The following MATN2 variants were observed in gnomAD, a reference collection of about 807,000 sequenced individuals.
MATN2 encodes the protein matrilin-2.
MATN2 carries 69 observed loss-of-function variants against 103.2 expected under a neutral mutation model. The ratio of observed to expected loss-of-function variants is 0.67; its 90% CI spans 0.55 to 0.82. The LOEUF (loss-of-function observed/expected upper bound fraction) is 0.82, where lower values mean the gene tolerates loss of function less well. MATN2 is among the 40% of genes least tolerant of loss of function. MATN2 has a pLI of 0.00. For missense variants in MATN2, 1,023 were observed against 1,211.5 expected, an observed-to-expected ratio of 0.84 and a Z score of 2.31; for synonymous variants, 429 against 450.2, an observed-to-expected ratio of 0.95 and a Z score of 0.60.
intron 1 of MATN2, among the ~76,000 whole-genome samples, chr8:97,882,721 A>G (rs1273379737): frequency 1.3e-5 from 2 of 152,044 alleles, no homozygotes; most frequent in Non-Finnish European, 2.9e-5. Context: ...TCACATCTTC[A>G]CCAACACTTG....
rs776958953 is a variant in MATN2, at chr8:98,027,761, C to T, written c.2288C>T (p.Ala763Val). The T allele has an allele frequency of 1.2e-6, 2 of 1,609,080 alleles. No homozygotes were observed. The highest frequency in any genetic ancestry group is 2.2e-5 in the East Asian group (1 of 44,856). Residue 763 changes from alanine to valine, a missense_variant, in exon 14 of 19, where the codon GCC becomes GTC. By Grantham distance (64) the Ala-to-Val change is moderately conservative (BLOSUM62 0). Transcript: ENST00000254898. ...CTTTCCACAAGGGTGCCCAGAGCAG[C>T]CATTGTGTTCACCGACGGACGGGCT... ...RPLSTRVPRA[A>V]IVFTDGRAQD...
intron 6 of MATN2, among the ~76,000 whole-genome samples, chr8:97,989,994 C>T (rs1812338332): frequency 6.6e-6 from 1 of 151,894 alleles, no homozygotes; most frequent in African/African-American, 2.4e-5. Flanking sequence ...CAAGCCTGGC[C>T]AACATGGTGA....
rs771271125 is a variant in MATN2, at chr8:98,035,695, C to T, written c.2854C>T (p.Arg952Cys). The T allele has an allele frequency of 1.1e-5, 17 of 1,597,974 alleles. No individual in the cohort carries two copies. The highest frequency in any genetic ancestry group is 9.0e-5 in the East Asian group (4 of 44,580). ...ACAGAGAATGGAAGCCCTGGAAAAT[C>T]GCCTGAGATACAGATGAAGATTAGA... Reference protein sequence around the residue: ...MTQRMEALENRLRYR With the variant: ...MTQRMEALENCLRYR Residue 952 changes from arginine (R) to cysteine (C), a missense_variant, in exon 19 of 19, where the codon CGC (arginine) becomes TGC (cysteine). Coordinates refer to ENST00000254898, the MANE Select transcript of MATN2 (RefSeq NM_002380.5).
Position 97,978,990 on chromosome 8 carries a change from G to C in MATN2, c.1063G>C (p.Asp355His), listed in dbSNP as rs1278378558. 1.9e-6 allele frequency: 3 copies of C among 1,610,332 alleles called. No individual in the cohort carries two copies. Among genetic ancestry groups the C allele is most frequent in the Non-Finnish European group, 2.5e-6 (3 of 1,178,664 alleles). The part of the protein sequence containing the change: ...QCHEGFALNP[D>H]KKTCTKIDYC... ...CCATGAAGGATTTGCTCTTAACCCA[G>C]ATAAAAAAACGTGCACAAGTAAGTT... The change falls in exon 6 of 19, where the codon GAT (aspartate) becomes CAT (histidine). Residue 355 changes from aspartate (D) to histidine (H), a missense_variant. Asp to His is a moderately conservative substitution (Grantham distance 81, BLOSUM62 -1). Transcript: ENST00000254898.
chr8:98,016,494 G>A, intron 10 of MATN2, 46 bp from the exon 11 acceptor site: 1 of 1,558,174 alleles, frequency 6.4e-7, no homozygotes, highest in East Asian at 2.3e-5. Context: ...ACTAATATAT[G>A]AGTCATTTTC....
At chr8:98,032,377 C>A in intron 16 of MATN2, 60 bp downstream of exon 16, 1 of 1,258,790 alleles carries the variant, frequency 7.9e-7, no homozygotes, top group Non-Finnish European at 1.1e-6. Context: ...GGTTTCCCTC[C>A]AGATAAAAGC....
intron 8 of MATN2, among the ~76,000 whole-genome samples, chr8:98,006,544 A>AC (rs1812977277): frequency 6.6e-6 from 1 of 152,234 alleles, no homozygotes; most frequent in South Asian, 2.1e-4. Flanking sequence ...TGTGATTTGA[A>AC]CCCAGGTAGT....
chr8:97,950,875 C>T (rs1275431807), intron 4 of MATN2: 1 of 152,284 alleles, frequency 6.6e-6, no homozygotes, highest in East Asian at 1.9e-4. Context: ...TGGAGAATTC[C>T]AGTTCAAGGA....
chr8:97,893,437 C>T (rs1426826265), intron 2 of MATN2, among the ~76,000 whole-genome samples: 1 of 152,164 alleles, frequency 6.6e-6, no homozygotes, highest in Admixed American at 6.5e-5. Context: ...TTCGTTTGTG[C>T]ACACTTTTTC....
At chr8:98,034,428 C>G in intron 18 of MATN2, 2 of 286,882 alleles carry the variant, frequency 7.0e-6, no homozygotes, top group South Asian at 6.3e-5. Flanking sequence ...TCTGAACTAT[C>G]TCTGTGCCAA....
Position 98,007,395 on chromosome 8 carries a change from G to A in MATN2, c.1451-84G>A. On this transcript the variant is annotated intron_variant, in intron 9 of 18. Coordinates refer to ENST00000254898, the MANE Select transcript of MATN2 (RefSeq NM_002380.5). The surrounding 1 kb of genome is among the most constrained non-coding windows in gnomAD (Gnocchi z 4.2). ...GACTGCATGCCTTCGAGGGAGGGCG[G>A]GGTGAGCATGACGGTCACTTGATCC... is the stretch of plus-strand genomic sequence containing the variant. 6.4e-7 allele frequency: 1 copy of A among 1,567,690 alleles called. No homozygotes were observed. Among genetic ancestry groups the A allele is most frequent in the South Asian group, 1.2e-5 (1 of 85,514 alleles).
Position 97,931,007 on chromosome 8 carries a change from G to GCAGTGT in MATN2, c.200_205dup (p.Ser67_Val68dup). The GCAGTGT allele has an allele frequency of 6.2e-7, 1 of 1,613,750 alleles. No individual in the cohort carries two copies. The highest frequency in any genetic ancestry group is 8.5e-7 in the Non-Finnish European group (1 of 1,179,780). ...CTGGTTTTCATCATTGACAGCTCTC[G>GCAGTGT]CAGTGTCAACACCCATGACTATGCA... is the stretch of plus-strand genomic sequence containing the variant. On this transcript the variant is annotated inframe_insertion, in exon 3 of 19. Transcript: ENST00000254898. The surrounding 1 kb of genome is among the most constrained non-coding windows in gnomAD (Gnocchi z 4.1).
At chr8:97,884,082 A>T (rs1283748256) in intron 1 of MATN2, among the ~76,000 whole-genome samples, 1 of 152,082 alleles carries the variant, frequency 6.6e-6, no homozygotes, top group Admixed American at 6.5e-5. Context: ...TCTGTCTAAT[A>T]TACATTAAGT....
At chr8:97,945,199 G>A (rs1441602349) in intron 4 of MATN2, among the ~76,000 whole-genome samples, 1 of 152,186 alleles carries the variant, frequency 6.6e-6, no homozygotes, top group Non-Finnish European at 1.5e-5. Context: ...ATGAGGTCAA[G>A]CCTAACTATA....
chr8:97,898,374 T>C (rs1818882540), intron 2 of MATN2, among the ~76,000 whole-genome samples: 1 of 152,048 alleles, frequency 6.6e-6, no homozygotes, highest in Non-Finnish European at 1.5e-5. Flanking sequence ...GGTGGGTGAA[T>C]CACCTGAGAT....
intron 8 of MATN2, 99 bp downstream of exon 8, chr8:98,003,882 G>A: frequency 7.3e-7 from 1 of 1,378,076 alleles, no homozygotes; most frequent in Non-Finnish European, 1.0e-6. Context: ...AGCCCACCGG[G>A]TTTCCTGATG....
At chr8:97,892,285 C>T (rs1488350012) in intron 2 of MATN2, among the ~76,000 whole-genome samples, 1 of 149,460 alleles carries the variant, frequency 6.7e-6, no homozygotes, top group Non-Finnish European at 1.5e-5. Flanking sequence ...TGGTGGTACA[C>T]ACCTATAGTC....
chr8:97,988,171 A>AATATATAT lies in MATN2; in HGVS notation c.1082-6297_1082-6290dup, dbSNP rs1554611754. Among the ~76,000 whole-genome samples, 224 of 46,096 alleles carry AATATATAT rather than the reference A, an allele frequency of 4.9e-3. 7 individuals carry two copies. Among genetic ancestry groups the AATATATAT allele is most frequent in the African/African-American group, 0.027 (211 of 7,844 alleles). The allele number at this position is 46,096 out of a possible 152,430, so 30.2% of individuals were successfully genotyped here. ...CTCCACCAAAAAAAAAAAAAAAAAA[A>AATATATAT]ATATATATATATATATATACACACA... On this transcript the variant is annotated intron_variant, in intron 6 of 18. Coordinates refer to ENST00000254898, the MANE Select transcript of MATN2 (RefSeq NM_002380.5).
chr8:97,894,079 A>G (rs953004633), intron 2 of MATN2, among the ~76,000 whole-genome samples: 3 of 152,160 alleles, frequency 2.0e-5, no homozygotes, highest in Admixed American at 2.0e-4. Context: ...GTTTTAAGAG[A>G]GCATTTTGTG....
Sources: allele counts gnomAD v4.1 joint callset (sites outside exome capture counted in the v4.1 genomes callset), GRCh38; gene constraint gnomAD v4.1.1; non-coding constraint Gnocchi (gnomAD v3.1); transcripts MANE v1.5; gene names NCBI Gene and HGNC (gene_info 2026-07-23, HGNC 2026-07-21).